Variants in C12orf75 observed in about 807,000 individuals in gnomAD.
The protein encoded by C12orf75 is overexpressed in colon carcinoma 1 protein.
C12orf75 carries 4 observed loss-of-function variants against 11.4 expected under a neutral mutation model. The observed-to-expected ratio is 0.35, with a 90% confidence interval of 0.17 to 0.80. The LOEUF is 0.80. C12orf75 is among the 30% of genes least tolerant of loss of function. The pLI is 0.52. For missense variants in C12orf75, 89 were observed against 80.4 expected, an observed-to-expected ratio of 1.11 and a Z score of -0.41; for synonymous variants, 30 against 30.0, an observed-to-expected ratio of 1.00 and a Z score of 0.00.
At chr12:105,334,316 T>G (rs1892473971) in intron 1 of C12orf75, among the ~76,000 whole-genome samples, 1 of 152,214 alleles carries the variant, frequency 6.6e-6, no homozygotes, top group Non-Finnish European at 1.5e-5. Context: ...AAATTGATAG[T>G]CTAGGTAGGA....
In C12orf75 at chr12:105,366,694, AAAGT is replaced by A; in HGVS notation, c.187+3_187+6del. The A allele has an allele frequency of 6.7e-7, 1 of 1,498,894 alleles. No homozygotes were observed. Among genetic ancestry groups the A allele is most frequent in the Non-Finnish European group, 9.1e-7 (1 of 1,099,708 alleles). 92.8% of individuals were successfully genotyped at this position (1,498,894 alleles called of 1,614,324 possible). A position where few individuals can be genotyped will look rare whatever the true frequency, so the allele number is the denominator to read the frequency against. On this transcript the variant is annotated splice_donor_variant and coding_sequence_variant, in exon 4 of 6. Transcript: ENST00000443585. LOFTEE classifies it high-confidence loss of function. ...TCCAGTCAAACAAAGACGGTTCGGAAAAGTAAGTGAAATCATGTGCTGTTGATTT... is the reference window on the plus strand; with the variant it reads ...TCCAGTCAAACAAAGACGGTTCGGAAAAGTGAAATCATGTGCTGTTGATTT...
intron 1 of C12orf75, among the ~76,000 whole-genome samples, chr12:105,338,689 A>G (rs1364833391): frequency 1.3e-5 from 2 of 152,296 alleles, no homozygotes; most frequent in East Asian, 1.9e-4. Flanking sequence ...AGGGAGCCAT[A>G]GTGTGCAGAG....
chr12:105,361,809 G>A (rs1892870031), intron 2 of C12orf75, among the ~76,000 whole-genome samples: 1 of 152,208 alleles, frequency 6.6e-6, no homozygotes, highest in Non-Finnish European at 1.5e-5. Flanking sequence ...CAACACAAGG[G>A]CTTGGACCTA....
In C12orf75 at chr12:105,346,851, G is replaced by A. The variant is rs551041429; in HGVS notation, c.47-1751G>A. ...CATCTTCCTTTATTTTTACACCTCT[G>A]TGACTTGTGCAGAAGTTATTTTAAT... On this transcript the variant is annotated intron_variant, in intron 1 of 5. Transcript: ENST00000443585. Among the ~76,000 whole-genome samples the A allele has an allele frequency of 4.7e-4, 72 of 152,262 alleles. 1 individual carries two copies. Among genetic ancestry groups the A allele is most frequent in the African/African-American group, 1.6e-3 (67 of 41,538 alleles).
intron 1 of C12orf75, among the ~76,000 whole-genome samples, chr12:105,335,903 C>G (rs1892494844): frequency 6.6e-6 from 1 of 152,144 alleles, no homozygotes; most frequent in African/African-American, 2.4e-5. Context: ...AAAAAAGATT[C>G]AAAATGAAGT....
rs371989264 is a variant in C12orf75 at position 105,365,832 on chromosome 12, G to T, written c.97G>T (p.Asp33Tyr). 1.2e-4 allele frequency: 189 copies of T among 1,549,186 alleles called. No individual in the cohort carries two copies. Among genetic ancestry groups the T allele is most frequent in the Non-Finnish European group, 1.5e-4 (169 of 1,144,744 alleles). ...DVTEESVTED[D>Y]KRRNYGGVYV... Reference sequence around the variant, plus strand: ...AACAGAAGAATCCGTAACAGAAGATGACAAGAGGAGGTATGTTTGGTATTG... The same window carrying T: ...AACAGAAGAATCCGTAACAGAAGATTACAAGAGGAGGTATGTTTGGTATTG... The change falls in exon 3 of 6, where the codon GAC becomes TAC. Residue 33 changes from aspartate (D) to tyrosine (Y), a missense_variant. Physicochemically the swap from Asp to Tyr is radical, Grantham distance 160. Transcript: ENST00000443585.
chr12:105,343,147 T>A (rs2136142896), intron 1 of C12orf75, among the ~76,000 whole-genome samples: 1 of 152,356 alleles, frequency 6.6e-6, no homozygotes, highest in African/African-American at 2.4e-5. Flanking sequence ...TTATCATTTC[T>A]ACAGTTTTGG....
chr12:105,359,552 C>G (rs189341751), intron 2 of C12orf75, among the ~76,000 whole-genome samples: 153 of 152,138 alleles, frequency 1.0e-3, no homozygotes, highest in African/African-American at 3.5e-3. Context: ...GGGTGGATCA[C>G]TTGGGGTCAG....
At chr12:105,343,298 G>A (rs1892596094) in intron 1 of C12orf75, among the ~76,000 whole-genome samples, 1 of 151,730 alleles carries the variant, frequency 6.6e-6, no homozygotes, top group African/African-American at 2.4e-5. Context: ...TAGGCCCATT[G>A]TATTAACCCA....
At chr12:105,336,675 G>C (rs1322756004) in intron 1 of C12orf75, among the ~76,000 whole-genome samples, 1 of 152,146 alleles carries the variant, frequency 6.6e-6, no homozygotes, top group Non-Finnish European at 1.5e-5. Context: ...ACAGATACGT[G>C]GAAGACAGTT....
At position 105,330,860 on chromosome 12, in the gene C12orf75, T is replaced by TC. The variant is rs950185236; in HGVS notation, c.-30dup. On this transcript the variant is annotated 5_prime_UTR_variant, in exon 1 of 6. Coordinates refer to ENST00000443585, the MANE Select transcript of C12orf75 (RefSeq NM_001145199.2). ...GCCCCCAGGACCCGCGGCCGAGAGC[T>TC]CCGGAGCGCGGCTTCCCCGGCCGGC... 4.0e-6 allele frequency: 5 copies of TC among 1,251,852 alleles called. No individual in the cohort carries two copies. Among genetic ancestry groups the TC allele is most frequent in the Non-Finnish European group, 5.0e-6 (5 of 999,516 alleles). 77.5% of individuals were successfully genotyped at this position (1,251,852 alleles called of 1,614,324 possible).
intron 2 of C12orf75, among the ~76,000 whole-genome samples, chr12:105,350,048 G>T (rs903455337): frequency 7.9e-5 from 12 of 152,156 alleles, no homozygotes; most frequent in Non-Finnish European, 1.8e-4. Flanking sequence ...GCTCCTGTTT[G>T]CTGTGTTGGA....
At chr12:105,359,328 C>T (rs967773014) in intron 2 of C12orf75, among the ~76,000 whole-genome samples, 1 of 152,196 alleles carries the variant, frequency 6.6e-6, no homozygotes, top group African/African-American at 2.4e-5. Flanking sequence ...TTCAAGGTTT[C>T]TTCCCCATTT....
At chr12:105,366,267 A>C (rs890559531) in intron 3 of C12orf75, 3 of 265,722 alleles carry the variant, frequency 1.1e-5, no homozygotes, top group Non-Finnish European at 2.1e-5. Context: ...ATATCATACC[A>C]TGTTGACCAC....
At chr12:105,333,058 C>T (rs1193722198) in intron 1 of C12orf75, among the ~76,000 whole-genome samples, 2 of 151,972 alleles carry the variant, frequency 1.3e-5, no homozygotes, top group Non-Finnish European at 2.9e-5. Context: ...ACTTTTTGTT[C>T]AGAGGAGAGA....
chr12:105,346,547 G>A (rs1892643549), intron 1 of C12orf75, among the ~76,000 whole-genome samples: 1 of 151,882 alleles, frequency 6.6e-6, no homozygotes, highest in South Asian at 2.1e-4. Context: ...GGATCTTTTG[G>A]TTTAATAATC....
At chr12:105,364,468 C>T (rs930141824) in intron 2 of C12orf75, among the ~76,000 whole-genome samples, 8 of 152,288 alleles carry the variant, frequency 5.3e-5, no homozygotes, top group Admixed American at 3.9e-4. Context: ...CAGCGTTCAC[C>T]AGATAATTAT....
rs868219544 is a variant in C12orf75, at chr12:105,351,105, C to T, written c.71+2479C>T. On this transcript the variant is annotated intron_variant, in intron 2 of 5. Transcript: ENST00000443585. ...CTTACACAAAAGGTATATTCAGGCA[C>T]GTTCAATTTTTTAAGTGGAAGCTAT... 9.2e-5 allele frequency among the ~76,000 whole-genome samples: 14 copies of T among 152,136 alleles called. 1 individual carries two copies. Among genetic ancestry groups the T allele is most frequent in the Middle Eastern group, 3.4e-3 (1 of 294 alleles).
intron 2 of C12orf75, among the ~76,000 whole-genome samples, chr12:105,356,790 T>A (rs1326455258): frequency 6.6e-6 from 1 of 152,172 alleles, no homozygotes; most frequent in Non-Finnish European, 1.5e-5. Context: ...GATGAAAGAT[T>A]TTGACTACCA....
Sources: allele counts gnomAD v4.1 joint callset (sites outside exome capture counted in the v4.1 genomes callset), GRCh38; gene constraint gnomAD v4.1.1; transcripts MANE v1.5; gene names NCBI Gene and HGNC (gene_info 2026-07-23, HGNC 2026-07-21).